Variants in GTF3C2 observed in about 807,000 individuals in gnomAD.
GTF3C2 encodes the protein general transcription factor 3C polypeptide 2.
In GTF3C2, 17 loss-of-function variants were observed where a neutral mutation model predicts 117.4. That is an observed-to-expected ratio of 0.14 (90% CI 0.10 to 0.22). GTF3C2 has a LOEUF of 0.22. GTF3C2 is among the 10% of genes least tolerant of loss of function. The pLI is 1.00. For missense variants in GTF3C2, 888 were observed against 1,143.6 expected (o/e 0.78, Z 3.22); for synonymous variants, 437 against 427.0 (o/e 1.02, Z -0.29).
At chr2:27,327,974 A>AG (rs1680145911) in intron 17 of GTF3C2, 63 bp downstream of exon 17, 10 of 1,403,162 alleles carry the variant, frequency 7.1e-6, no homozygotes, top group Non-Finnish European at 9.9e-6. Flanking sequence ...CTTGCGTACT[A>AG]TACAAAGACT....
At chr2:27,356,096 C>A (rs572731895) in intron 1 of GTF3C2, 292 of 1,289,120 alleles carry the variant, frequency 2.3e-4, no homozygotes, top group Non-Finnish European at 2.8e-4. Context: ...CCCTATACAT[C>A]CCTCCAACAA....
intron 15 of GTF3C2, 63 bp from the exon 16 acceptor site, chr2:27,328,659 G>T: frequency 7.2e-7 from 1 of 1,379,912 alleles, no homozygotes. Flanking sequence ...ACTGGTAACA[G>T]CTGCACAGTC....
intron 4 of GTF3C2, among the ~76,000 whole-genome samples, chr2:27,339,405 G>T (rs1411567103): frequency 6.1e-5 from 7 of 114,448 alleles, no homozygotes; most frequent in African/African-American, 6.8e-5. Context: ...GCGAAACTCC[G>T]TCTCAAAAAA....
At chr2:27,339,986 CAA>C (rs58075388) in intron 4 of GTF3C2, 40,665 of 93,548 alleles carry the variant, frequency 0.43, 6,991 homozygotes, top group Admixed American at 0.49. Context: ...GACTCTGTTT[CAA>C]AAAAAAAAAA....
chr2:27,338,393 A>G (rs1680574959), intron 4 of GTF3C2: 2 of 254,168 alleles, frequency 7.9e-6, no homozygotes, highest in Non-Finnish European at 1.5e-5. Context: ...GGTCTCCTCG[A>G]TGATGGTATT....
exon 19 of GTF3C2, chr2:27,326,512 T>C: frequency 1.6e-6 from 1 of 620,564 alleles, no homozygotes; most frequent in Non-Finnish European, 2.9e-6. Flanking sequence ...ATCACAGAAG[T>C]CTGTAGAAAG....
intron 12 of GTF3C2, among the ~76,000 whole-genome samples, chr2:27,331,898 C>T (rs986468154): frequency 1.3e-5 from 2 of 152,128 alleles, no homozygotes; most frequent in Non-Finnish European, 2.9e-5. Flanking sequence ...AAGATCTTGC[C>T]ACTGCACTCC....
exon 9 of GTF3C2, chr2:27,335,924 G>A (rs751738990): frequency 3.1e-6 from 5 of 1,600,168 alleles, no homozygotes; most frequent in Non-Finnish European, 4.3e-6. Flanking sequence ...TACCTTCCGA[G>A]GGGTGCCTGG....
intron 1 of GTF3C2, among the ~76,000 whole-genome samples, chr2:27,345,737 G>T (rs1395022111): frequency 6.7e-6 from 1 of 150,108 alleles, no homozygotes; most frequent in African/African-American, 2.5e-5. Context: ...TTTTGAGATG[G>T]AGTTTCACTA....
exon 19 of GTF3C2, chr2:27,325,920 C>T (rs1680058988): frequency 5.3e-6 from 1 of 189,522 alleles, no homozygotes; most frequent in African/African-American, 2.4e-5. Flanking sequence ...TGGTTAAATA[C>T]TTAACAGGGC....
rs184094177 is a variant in GTF3C2, at chr2:27,335,500, G to A, written c.1576+98C>T. 1.6e-3 allele frequency: 1,196 copies of A among 742,824 alleles called. 5 individuals carry two copies. In the African/African-American group the frequency reaches 0.018, roughly 11 times the overall value. 46.0% of individuals were successfully genotyped at this position (742,824 alleles called of 1,614,324 possible). ...GTGGCTGAGTAAGGCTTTGTGCTAA[G>A]AGAGACTGGCCCAGAGGAGTTTCCA... On this transcript the variant is annotated intron_variant, in intron 10 of 18. Coordinates refer to ENST00000264720, the Ensembl canonical transcript of GTF3C2.
In GTF3C2 at chr2:27,342,417, C is replaced by A; in HGVS notation, c.570-184G>T. 4 of 591,134 alleles carry A rather than the reference C, an allele frequency of 6.8e-6. No individual in the cohort carries two copies. In the South Asian group the frequency reaches 6.9e-5, roughly 10 times the overall value. The allele number at this position is 591,134 out of a possible 1,614,324, so 36.6% of individuals were successfully genotyped here. A position where few individuals can be genotyped will look rare whatever the true frequency, so the allele number is the denominator to read the frequency against. On this transcript the variant is annotated intron_variant, in intron 3 of 18. Coordinates refer to ENST00000264720, the Ensembl canonical transcript of GTF3C2. ...AGAAATCTAAGTTATGTGACTTGGC[C>A]GAGATGACTGAGATAACAAATGTGG...
At chr2:27,327,885 CA>C (rs1558611211) in intron 17 of GTF3C2, 151 bp downstream of exon 17, 13 of 591,438 alleles carry the variant, frequency 2.2e-5, no homozygotes, top group Non-Finnish European at 2.9e-6. Flanking sequence ...CTAATCCCCC[CA>C]AACTGCTGGG....
chr2:27,343,596 C>T lies in GTF3C2; in HGVS notation c.-24-18G>A, dbSNP rs1488090070. ...GGCTGCCCCTGCATACAGAGACACA[C>T]AAATGAGTAGAGGACAAAAACTATT... On this transcript the variant is annotated intron_variant, in intron 1 of 18. Coordinates refer to ENST00000264720, the Ensembl canonical transcript of GTF3C2. 6.2e-7 allele frequency: 1 copy of T among 1,603,684 alleles called. No homozygotes were observed. Among genetic ancestry groups the T allele is most frequent in the African/African-American group, 1.3e-5 (1 of 74,748 alleles).
Position 27,343,302 on chromosome 2 carries a change from A to G in GTF3C2, c.247+6T>C, listed in dbSNP as rs1174980282. ...GAATAAAAAGATAAGAGGACAAGGT[A>G]CATACCTGGCTGTTCCAGTCTGGAG... is the stretch of plus-strand genomic sequence containing the variant. On this transcript the variant is annotated splice_donor_region_variant and intron_variant, in intron 2 of 18. Coordinates refer to ENST00000264720, the Ensembl canonical transcript of GTF3C2. 1.9e-6 allele frequency: 3 copies of G among 1,613,362 alleles called. No homozygotes were observed. The Admixed American group carries it at 5.0e-5, about 27-fold the overall frequency.
At chr2:27,354,717 C>T (rs1330732443) in intron 1 of GTF3C2, among the ~76,000 whole-genome samples, 2 of 151,496 alleles carry the variant, frequency 1.3e-5, no homozygotes, top group East Asian at 2.0e-4. Flanking sequence ...GCCGATATCA[C>T]GCCACTGCAC....
At chr2:27,343,693 T>A (rs1259956273) in intron 1 of GTF3C2, 115 bp from the exon 2 acceptor site, 2 of 794,294 alleles carry the variant, frequency 2.5e-6, no homozygotes, top group African/African-American at 1.7e-5. Flanking sequence ...GTTCCCTGAT[T>A]ATTCACTTAT....
intron 1 of GTF3C2, chr2:27,356,148 T>A: frequency 7.9e-7 from 1 of 1,268,982 alleles, no homozygotes; most frequent in Non-Finnish European, 1.0e-6. Context: ...CACCTCTGAC[T>A]TCCCCAACAG....
intron 1 of GTF3C2, among the ~76,000 whole-genome samples, chr2:27,349,689 A>G (rs1681056998): frequency 6.6e-6 from 1 of 151,706 alleles, no homozygotes; most frequent in Non-Finnish European, 1.5e-5. Flanking sequence ...CCCAGGCTGG[A>G]ATGCAGTGGC....
Sources: allele counts gnomAD v4.1 joint callset (sites outside exome capture counted in the v4.1 genomes callset), GRCh38; gene constraint gnomAD v4.1.1; transcripts MANE v1.5; gene names NCBI Gene and HGNC (gene_info 2026-07-23, HGNC 2026-07-21).